LRRFIP1: variants seen among roughly 807,000 people sequenced by gnomAD.
LRRFIP1 encodes LRR binding FLII interacting protein 1.
LRRFIP1 carries 62 observed loss-of-function variants against 104.4 expected under a neutral mutation model. The observed-to-expected ratio is 0.59, with a 90% CI of 0.48 to 0.73. The LOEUF (loss-of-function observed/expected upper bound fraction) is 0.73, where lower values mean the gene tolerates loss of function less well. Among genes scored for constraint, LRRFIP1 ranks in the 30% least tolerant of loss-of-function variants. LRRFIP1 has a pLI of 0.00. For missense variants in LRRFIP1, 796 were observed against 824.5 expected (o/e 0.97, Z 0.42); for synonymous variants, 300 against 299.0 (o/e 1.00, Z -0.03).
intron 21 of LRRFIP1, 47 bp from the exon 22 acceptor site, chr2:237,772,819 G>A (rs1257962080): frequency 7.9e-7 from 1 of 1,272,618 alleles, no homozygotes; most frequent in South Asian, 1.2e-5. Flanking sequence ...TTTAATATTT[G>A]AAAAGCCCAA....
intron 1 of LRRFIP1, among the ~76,000 whole-genome samples, chr2:237,696,996 A>G (rs1328377372): frequency 3.3e-5 from 5 of 152,226 alleles, no homozygotes; most frequent in African/African-American, 9.6e-5. Flanking sequence ...TCCAGACAGA[A>G]GAGAACATTC....
rs1033825104 is a variant in LRRFIP1 at position 237,751,284 on chromosome 2, A to G, written c.867+13A>G. Reference sequence around the variant, plus strand: ...GAAAGAGATGAAGGTACCAATTCACAGACGTGTGGTCTCACGATATTAACC... The same window carrying G: ...GAAAGAGATGAAGGTACCAATTCACGGACGTGTGGTCTCACGATATTAACC... On this transcript the variant is annotated intron_variant, in intron 14 of 23. Coordinates refer to ENST00000308482, the MANE Select transcript of LRRFIP1 (RefSeq NM_001137550.2). The G allele has an allele frequency of 5.6e-6, 9 of 1,593,828 alleles. No individual in the cohort carries two copies. The African/African-American group carries it at 1.2e-4, about 21-fold the overall frequency.
chr2:237,646,548 C>T (rs974216105), intron 1 of LRRFIP1, among the ~76,000 whole-genome samples: 1 of 151,922 alleles, frequency 6.6e-6, no homozygotes, highest in Non-Finnish European at 1.5e-5. Flanking sequence ...CCCACAAGCC[C>T]GCATTCGTAT....
intron 1 of LRRFIP1, among the ~76,000 whole-genome samples, chr2:237,638,919 T>C (rs751462692): frequency 6.6e-6 from 1 of 152,226 alleles, no homozygotes; most frequent in Non-Finnish European, 1.5e-5. Flanking sequence ...GTTGGAACCT[T>C]TGTGGGGCTG....
chr2:237,670,476 A>G (rs75403570), intron 1 of LRRFIP1, among the ~76,000 whole-genome samples: 2,191 of 152,356 alleles, frequency 0.014, 50 homozygotes, highest in African/African-American at 0.049. Flanking sequence ...ATGCTGAGCC[A>G]GAGGTCTGCT....
At chr2:237,697,471 A>G (rs1189107665) in intron 1 of LRRFIP1, among the ~76,000 whole-genome samples, 2 of 152,028 alleles carry the variant, frequency 1.3e-5, no homozygotes, top group Non-Finnish European at 2.9e-5. Flanking sequence ...AAGCCTTTTT[A>G]TTTTTCTGGG....
chr2:237,730,022 G>A (rs1053691837), intron 8 of LRRFIP1, among the ~76,000 whole-genome samples: 6 of 152,174 alleles, frequency 3.9e-5, no homozygotes, highest in African/African-American at 1.4e-4. Context: ...CCTTCATTCA[G>A]ATGTACTCCA....
At chr2:237,753,583 C>T (rs2058893139) in intron 15 of LRRFIP1, 104 bp downstream of exon 15, 1 of 956,796 alleles carries the variant, frequency 1.0e-6, no homozygotes, top group African/African-American at 1.7e-5. Flanking sequence ...ATTACTTGAG[C>T]CCAAGAGTTC....
chr2:237,686,717 T>C (rs1045547882), intron 1 of LRRFIP1, among the ~76,000 whole-genome samples: 3 of 152,264 alleles, frequency 2.0e-5, no homozygotes, highest in South Asian at 2.1e-4. Context: ...AAGCTCACTG[T>C]TGCTTTCCAG....
intron 1 of LRRFIP1, among the ~76,000 whole-genome samples, chr2:237,705,442 G>A: frequency 6.6e-6 from 1 of 152,072 alleles, no homozygotes; most frequent in Non-Finnish European, 1.5e-5. Flanking sequence ...CAGGTGAGTG[G>A]CATGAACCCA....
rs1559724934 is a variant in LRRFIP1, at chr2:237,735,419, G to C, written c.555+86G>C. 7.8e-7 allele frequency: 1 copy of C among 1,283,166 alleles called. No individual in the cohort carries two copies. Among genetic ancestry groups the C allele is most frequent in the Non-Finnish European group, 1.1e-6 (1 of 936,446 alleles). The allele number at this position is 1,283,166 out of a possible 1,614,324, so 79.5% of individuals were successfully genotyped here. On this transcript the variant is annotated intron_variant, in intron 10 of 23. Transcript: ENST00000308482. This position sits in a 1 kb window ranked among gnomAD's most constrained non-coding sequence, Gnocchi z 4.6. ...CGCTGGGCAGGGTCCAGCCGTGGGG[G>C]GTGACTGGCCATTCTCAGGAGGAAG... is the stretch of plus-strand genomic sequence containing the variant.
chr2:237,700,520 C>A (rs777801612), intron 1 of LRRFIP1, among the ~76,000 whole-genome samples: 1 of 152,180 alleles, frequency 6.6e-6, no homozygotes, highest in Non-Finnish European at 1.5e-5. Flanking sequence ...CTCTGCTTGA[C>A]GCTAAAACCT....
intron 1 of LRRFIP1, among the ~76,000 whole-genome samples, chr2:237,628,172 A>G (rs1338609476): frequency 1.3e-5 from 2 of 152,152 alleles, no homozygotes; most frequent in Non-Finnish European, 2.9e-5. Flanking sequence ...CGGAGGCCAC[A>G]TGGCCCTGCT....
At chr2:237,722,769 C>G (rs1284738921) in intron 6 of LRRFIP1, among the ~76,000 whole-genome samples, 1 of 152,086 alleles carries the variant, frequency 6.6e-6, no homozygotes, top group African/African-American at 2.4e-5. Context: ...GGTGAAGAGG[C>G]CTGCGTGGGG....
At chr2:237,671,908 T>C (rs752200171) in intron 1 of LRRFIP1, among the ~76,000 whole-genome samples, 1 of 149,882 alleles carries the variant, frequency 6.7e-6, no homozygotes, top group Non-Finnish European at 1.5e-5. Flanking sequence ...GTAAATCACA[T>C]TTAACTGCTG....
chr2:237,681,599 G>A (rs964607420), intron 1 of LRRFIP1, among the ~76,000 whole-genome samples: 2 of 150,638 alleles, frequency 1.3e-5, no homozygotes, highest in African/African-American at 2.4e-5. Context: ...ACTAGTGACC[G>A]CAGGTGATCT....
At chr2:237,725,517 A>G (rs1037656175) in intron 7 of LRRFIP1, among the ~76,000 whole-genome samples, 54 of 152,316 alleles carry the variant, frequency 3.5e-4, no homozygotes, top group African/African-American at 1.3e-3. Flanking sequence ...TACAACACAA[A>G]AAAACACCAT....
chr2:237,762,675 C>T (rs761152143), intron 19 of LRRFIP1: 9 of 1,613,876 alleles, frequency 5.6e-6, no homozygotes, highest in Admixed American at 3.3e-5. Context: ...TTGCACAATA[C>T]TGAGAAAGAA....
intron 1 of LRRFIP1, among the ~76,000 whole-genome samples, chr2:237,651,405 T>G (rs1306086402): frequency 6.6e-6 from 1 of 152,220 alleles, no homozygotes; most frequent in Non-Finnish European, 1.5e-5. Context: ...ATAATAAACT[T>G]TTTTCCAATT....
Sources: allele counts gnomAD v4.1 joint callset (sites outside exome capture counted in the v4.1 genomes callset), GRCh38; gene constraint gnomAD v4.1.1; non-coding constraint Gnocchi (gnomAD v3.1); transcripts MANE v1.5; gene names NCBI Gene and HGNC (gene_info 2026-07-23, HGNC 2026-07-21).